Variants in TAFA5 observed in about 807,000 individuals in gnomAD.
TAFA5 encodes chemokine-like protein TAFA-5.
In TAFA5, 6 loss-of-function variants were observed where a neutral mutation model predicts 15.3. The ratio of observed to expected loss-of-function variants is 0.39; its 90% CI spans 0.21 to 0.77. TAFA5 has a LOEUF of 0.77. Ranked by LOEUF, TAFA5 falls within the 30% of genes least tolerant of loss-of-function variation. The pLI is 0.41. For synonymous variants in TAFA5, 103 were observed against 80.7 expected, an observed-to-expected ratio of 1.28 and a Z score of -1.48; for missense variants, 161 against 193.1, an observed-to-expected ratio of 0.83 and a Z score of 0.98.
At chr22:48,591,899 G>C (rs368398724) in intron 1 of TAFA5, among the ~76,000 whole-genome samples, 5 of 152,178 alleles carry the variant, frequency 3.3e-5, no homozygotes, top group African/African-American at 1.2e-4. Flanking sequence ...GCCTGGGCCC[G>C]GTGTCTGTCT....
chr22:48,551,971 G>A (rs972414877), intron 1 of TAFA5, among the ~76,000 whole-genome samples: 1 of 152,228 alleles, frequency 6.6e-6, no homozygotes, highest in African/African-American at 2.4e-5. Flanking sequence ...CTGATTGAGA[G>A]CACGGGCTCC....
chr22:48,555,979 C>T (rs1486764040), intron 1 of TAFA5, among the ~76,000 whole-genome samples: 2 of 152,158 alleles, frequency 1.3e-5, no homozygotes, highest in Non-Finnish European at 2.9e-5. Context: ...CTAGCTCCCT[C>T]CCTGGAGGTG....
intron 1 of TAFA5, among the ~76,000 whole-genome samples, chr22:48,635,065 T>C (rs1926396176): frequency 6.6e-6 from 1 of 152,218 alleles, no homozygotes; most frequent in African/African-American, 2.4e-5. Flanking sequence ...TCCACCATCC[T>C]GCCCGGGCTG....
intron 1 of TAFA5, among the ~76,000 whole-genome samples, chr22:48,636,922 C>T (rs768847886): frequency 5.9e-5 from 9 of 152,184 alleles, no homozygotes; most frequent in Non-Finnish European, 1.2e-4. Flanking sequence ...GCGCGGGGCC[C>T]TGGGAGGCTG....
chr22:48,733,634 A>G (rs1929928380), intron 3 of TAFA5, among the ~76,000 whole-genome samples: 1 of 152,204 alleles, frequency 6.6e-6, no homozygotes, highest in Non-Finnish European at 1.5e-5. Flanking sequence ...ATTTCAGTAA[A>G]CTGGACCGAG....
intron 1 of TAFA5, among the ~76,000 whole-genome samples, chr22:48,630,470 C>A (rs117465405): frequency 6.6e-6 from 1 of 152,048 alleles, no homozygotes; most frequent in Non-Finnish European, 1.5e-5. Flanking sequence ...TTTGTTGAGT[C>A]GTCAGCGGCG....
At chr22:48,712,530 C>T (rs1347003831) in intron 3 of TAFA5, among the ~76,000 whole-genome samples, 2 of 152,260 alleles carry the variant, frequency 1.3e-5, no homozygotes, top group Admixed American at 1.3e-4. Context: ...GGCACACAGG[C>T]TCACATGGGA....
chr22:48,518,712 G>A (rs950693952), intron 1 of TAFA5, among the ~76,000 whole-genome samples: 26 of 152,140 alleles, frequency 1.7e-4, no homozygotes, highest in Non-Finnish European at 3.2e-4. Context: ...GCCTGCAGAG[G>A]AAACAGGTCC....
intron 2 of TAFA5, among the ~76,000 whole-genome samples, chr22:48,682,203 G>A (rs1360840981): frequency 6.6e-6 from 1 of 152,202 alleles, no homozygotes; most frequent in Non-Finnish European, 1.5e-5. Flanking sequence ...GCAGCTGGCA[G>A]GAATGCCAGC....
chr22:48,655,944 A>G (rs1415813490), intron 2 of TAFA5, among the ~76,000 whole-genome samples: 1 of 147,714 alleles, frequency 6.8e-6, no homozygotes, highest in African/African-American at 2.5e-5. Context: ...GGTTCAAGCA[A>G]TTCTCTGCCT....
rs982893415 is a variant in TAFA5, at chr22:48,684,560, G to A, written c.263-23157G>A. Among the ~76,000 whole-genome samples, 48 of 152,130 alleles carry A rather than the reference G, an allele frequency of 3.2e-4. 1 individual carries two copies. Among genetic ancestry groups the A allele is most frequent in the African/African-American group, 8.9e-4 (37 of 41,424 alleles). ...ATGCTGCCTCCAGAGCAGACCAGCC[G>A]CAATTCAGTCACTGTGTGCACTGTG... is the stretch of plus-strand genomic sequence containing the variant. On this transcript the variant is annotated intron_variant, in intron 2 of 3. Coordinates refer to ENST00000402357, the MANE Select transcript of TAFA5 (RefSeq NM_001082967.3).
Position 48,688,124 on chromosome 22 carries a change from T to C in TAFA5, c.263-19593T>C, listed in dbSNP as rs184593247. 5.1e-4 allele frequency among the ~76,000 whole-genome samples: 78 copies of C among 151,962 alleles called. 1 individual carries two copies. The highest frequency in any genetic ancestry group is 5.0e-3 in the Admixed American group (76 of 15,274). ...GGGGTTTTTTTTTCCCTCTCTCTCA[T>C]CTAATTTGATGACCCAGACTTGGAG... is the stretch of plus-strand genomic sequence containing the variant. On this transcript the variant is annotated intron_variant, in intron 2 of 3. Transcript: ENST00000402357.
chr22:48,735,713 C>G (rs1205392423), intron 3 of TAFA5, among the ~76,000 whole-genome samples: 1 of 151,882 alleles, frequency 6.6e-6, no homozygotes, highest in Non-Finnish European at 1.5e-5. Context: ...AGGGAGGCAG[C>G]AATCGCCCTC....
intron 1 of TAFA5, among the ~76,000 whole-genome samples, chr22:48,555,770 C>T (rs987459402): frequency 2.6e-5 from 4 of 152,126 alleles, no homozygotes; most frequent in East Asian, 1.9e-4. Flanking sequence ...GAGACCTACC[C>T]GAGGGCATCG....
At chr22:48,507,276 G>A (rs1601839163) in intron 1 of TAFA5, among the ~76,000 whole-genome samples, 1 of 151,374 alleles carries the variant, frequency 6.6e-6, no homozygotes, top group South Asian at 2.1e-4. Flanking sequence ...GAAGGAGACA[G>A]TCATCAAGGG....
intron 1 of TAFA5, among the ~76,000 whole-genome samples, chr22:48,526,585 G>C (rs1245606347): frequency 6.6e-6 from 1 of 152,202 alleles, no homozygotes; most frequent in Non-Finnish European, 1.5e-5. Flanking sequence ...GCTGGCCCCG[G>C]AGCTCCTGCG....
intron 1 of TAFA5, among the ~76,000 whole-genome samples, chr22:48,527,879 C>G (rs1339717107): frequency 6.6e-6 from 1 of 152,212 alleles, no homozygotes; most frequent in Non-Finnish European, 1.5e-5. Context: ...GCTTCAGGCC[C>G]GTGTTACATG....
At chr22:48,613,984 C>T (rs759063240) in intron 1 of TAFA5, among the ~76,000 whole-genome samples, 1 of 152,228 alleles carries the variant, frequency 6.6e-6, no homozygotes, top group Non-Finnish European at 1.5e-5. Flanking sequence ...AGATGGGATT[C>T]TGTGGAAGGA....
At chr22:48,568,589 A>G (rs1923481300) in intron 1 of TAFA5, among the ~76,000 whole-genome samples, 1 of 152,218 alleles carries the variant, frequency 6.6e-6, no homozygotes, top group African/African-American at 2.4e-5. Context: ...GAGGAAAGAA[A>G]ACATTGATTG....
Sources: allele counts gnomAD v4.1 joint callset (sites outside exome capture counted in the v4.1 genomes callset), GRCh38; gene constraint gnomAD v4.1.1; transcripts MANE v1.5; gene names NCBI Gene and HGNC (gene_info 2026-07-23, HGNC 2026-07-21).